Variants in BICC1 observed in about 807,000 individuals in gnomAD.
BICC1 encodes the protein BicC family RNA binding protein 1.
BICC1 carries 43 observed loss-of-function variants against 111.0 expected under a neutral mutation model. That is an observed-to-expected ratio of 0.39 (90% CI 0.30 to 0.50). The LOEUF (loss-of-function observed/expected upper bound fraction) is 0.50. BICC1 is among the 20% of genes least tolerant of loss of function. BICC1 has a pLI of 0.88. For synonymous variants in BICC1, 467 were observed against 434.4 expected (o/e 1.07, Z -0.93); for missense variants, 1,091 against 1,203.2 (o/e 0.91, Z 1.38).
intron 3 of BICC1, among the ~76,000 whole-genome samples, chr10:58,772,369 G>T (rs1030510356): frequency 1.3e-5 from 2 of 152,068 alleles, no homozygotes; most frequent in African/African-American, 4.8e-5. Flanking sequence ...GTTTTCTCCT[G>T]TGTCTCTTAT....
intron 1 of BICC1, among the ~76,000 whole-genome samples, chr10:58,549,687 T>G (rs889628343): frequency 2.7e-5 from 4 of 150,526 alleles, no homozygotes; most frequent in Admixed American, 1.3e-4. Context: ...TTGTTTGTTT[T>G]TTTCTTTTTT....
At chr10:58,595,155 G>T (rs560315235) in intron 1 of BICC1, among the ~76,000 whole-genome samples, 5 of 152,174 alleles carry the variant, frequency 3.3e-5, no homozygotes, top group Non-Finnish European at 7.3e-5. Flanking sequence ...AATGCAGCAA[G>T]AAGAGCTAAC....
chr10:58,688,205 G>A (rs2132397635), intron 2 of BICC1, among the ~76,000 whole-genome samples: 1 of 152,158 alleles, frequency 6.6e-6, no homozygotes, highest in African/African-American at 2.4e-5. Context: ...GACCCAAGTG[G>A]GTTGCCGCTG....
At chr10:58,632,085 G>C (rs1286322218) in intron 2 of BICC1, among the ~76,000 whole-genome samples, 1 of 152,198 alleles carries the variant, frequency 6.6e-6, no homozygotes. Context: ...TAGTTGGAAA[G>C]TGGGTATGTG....
chr10:58,634,030 C>G (rs1365275807), intron 2 of BICC1, among the ~76,000 whole-genome samples: 1 of 127,582 alleles, frequency 7.8e-6, no homozygotes, highest in Non-Finnish European at 1.6e-5. Flanking sequence ...GTTTTGCTCT[C>G]GTTGCCCAAG....
intron 3 of BICC1, among the ~76,000 whole-genome samples, chr10:58,763,751 A>G (rs1057289288): frequency 1.3e-5 from 2 of 152,172 alleles, no homozygotes; most frequent in East Asian, 3.9e-4. Flanking sequence ...GTTGAAATTA[A>G]AGAGCATGAA....
At chr10:58,803,959 A>G (rs557103876) in intron 15 of BICC1, among the ~76,000 whole-genome samples, 1 of 152,310 alleles carries the variant, frequency 6.6e-6, no homozygotes, top group East Asian at 1.9e-4. Context: ...AGAATTGCTG[A>G]GTAGACTTAC....
chr10:58,637,985 T>C (rs765884112), intron 2 of BICC1, among the ~76,000 whole-genome samples: 1 of 152,018 alleles, frequency 6.6e-6, no homozygotes. Context: ...TATTAGGAAA[T>C]TAGAAGGAAG....
At chr10:58,616,442 C>G (rs1021963770) in intron 1 of BICC1, among the ~76,000 whole-genome samples, 2 of 152,222 alleles carry the variant, frequency 1.3e-5, no homozygotes, top group Non-Finnish European at 2.9e-5. Flanking sequence ...CAACCTGGTC[C>G]CACCTGGGCG....
At chr10:58,586,960 G>GCA (rs1844451448) in intron 1 of BICC1, among the ~76,000 whole-genome samples, 2 of 152,164 alleles carry the variant, frequency 1.3e-5, no homozygotes, top group Non-Finnish European at 2.9e-5. Context: ...GAGAGACACA[G>GCA]GGATTAGTTA....
At position 58,808,717 on chromosome 10, in the gene BICC1, A is replaced by T. The variant is rs199614778; in HGVS notation, c.2376+1559A>T. On this transcript the variant is annotated intron_variant, in intron 17 of 20. Coordinates refer to ENST00000373886, the MANE Select transcript of BICC1 (RefSeq NM_001080512.3). ...CAGTTCTTAGTGATATTTAAAAAAA[A>T]TTTTTTTTTTTTTTTGACGTGGAGT... Among the ~76,000 whole-genome samples the T allele has an allele frequency of 6.3e-3, 914 of 145,234 alleles. 4 individuals are homozygous for T. Among genetic ancestry groups the T allele is most frequent in the East Asian group, 0.031 (150 of 4,878 alleles).
chr10:58,647,880 C>T (rs774257925), intron 2 of BICC1, among the ~76,000 whole-genome samples: 33 of 152,088 alleles, frequency 2.2e-4, no homozygotes, highest in African/African-American at 5.1e-4. Context: ...TTAGCTGTGA[C>T]CAGAATTACA....
intron 18 of BICC1, among the ~76,000 whole-genome samples, chr10:58,816,676 C>T (rs1169959985): frequency 1.3e-5 from 2 of 151,466 alleles, no homozygotes; most frequent in Non-Finnish European, 2.9e-5. Flanking sequence ...AGACAGATTT[C>T]CCACACAGGC....
intron 3 of BICC1, among the ~76,000 whole-genome samples, chr10:58,760,824 A>T (rs535197608): frequency 2.0e-5 from 3 of 152,282 alleles, no homozygotes; most frequent in African/African-American, 7.2e-5. Flanking sequence ...TCCAAGGGAC[A>T]GAATTTATTT....
chr10:58,681,984 T>TA (rs1443492325), intron 2 of BICC1, among the ~76,000 whole-genome samples: 1 of 151,956 alleles, frequency 6.6e-6, no homozygotes, highest in African/African-American at 2.4e-5. Flanking sequence ...ATCATTTACA[T>TA]TAGGTATTTC....
chr10:58,829,363 T>C lies in BICC1; in HGVS notation c.*472T>C, dbSNP rs1213448978. ...TCTGGTACTGCTTTAAAATAATTAT[T>C]GTGGTCTTTCAGCACTTTACACGTT... On this transcript the variant is annotated 3_prime_UTR_variant, in exon 21 of 21. Transcript: ENST00000373886. 1 of 152,280 alleles carries C rather than the reference T, an allele frequency of 6.6e-6. No homozygotes were observed. The highest frequency in any genetic ancestry group is 6.6e-5 in the Admixed American group (1 of 15,258). The allele number at this position is 152,280 out of a possible 1,614,324, so 9.4% of individuals were successfully genotyped here. A position where few individuals can be genotyped will look rare whatever the true frequency, so the allele number is the denominator to read the frequency against.
chr10:58,770,864 T>A (rs1271220867), intron 3 of BICC1, among the ~76,000 whole-genome samples: 1 of 152,176 alleles, frequency 6.6e-6, no homozygotes, highest in Non-Finnish European at 1.5e-5. Context: ...CCTGTTGGGC[T>A]CTGCTAATCA....
At chr10:58,645,086 A>G (rs1433629295) in intron 2 of BICC1, among the ~76,000 whole-genome samples, 2 of 152,138 alleles carry the variant, frequency 1.3e-5, no homozygotes, top group African/African-American at 4.8e-5. Flanking sequence ...ACCCTAGGTC[A>G]AAGTAGGGAA....
In BICC1 at chr10:58,790,828, A is replaced by G. The variant is rs562242924; in HGVS notation, c.1047+895A>G. Reference sequence around the variant, plus strand: ...AATGAAATAAATGAAATGGAATGAAATAAACTATCCCAGTGTATGGGTTGA... The same window carrying G: ...AATGAAATAAATGAAATGGAATGAAGTAAACTATCCCAGTGTATGGGTTGA... On this transcript the variant is annotated intron_variant, in intron 8 of 20. Transcript: ENST00000373886. Among the ~76,000 whole-genome samples the G allele has an allele frequency of 9.8e-5, 15 of 152,344 alleles. No individual in the cohort carries two copies. In the South Asian group the frequency reaches 3.1e-3, roughly 32 times the overall value.
Sources: allele counts gnomAD v4.1 joint callset (sites outside exome capture counted in the v4.1 genomes callset), GRCh38; gene constraint gnomAD v4.1.1; transcripts MANE v1.5; gene names NCBI Gene and HGNC (gene_info 2026-07-23, HGNC 2026-07-21).